Variants in KLRG1 observed in about 807,000 individuals in gnomAD.
KLRG1 encodes killer cell lectin like receptor G1.
KLRG1 carries 16 observed loss-of-function variants against 21.8 expected under a neutral mutation model. The ratio of observed to expected loss-of-function variants is 0.73; its 90% CI spans 0.50 to 1.11. The LOEUF (loss-of-function observed/expected upper bound fraction) is 1.11, where lower values mean the gene tolerates loss of function less well. Among genes scored for constraint, KLRG1 ranks in the 50% most tolerant of loss-of-function variants. The pLI, the probability that KLRG1 is intolerant of heterozygous loss-of-function variation, is 0.00. For missense variants in KLRG1, 173 were observed against 218.3 expected (o/e 0.79, Z 1.31); for synonymous variants, 69 against 75.9 (o/e 0.91, Z 0.47).
At chr12:9,061,554 C>T in the KLRG1 span, among the ~76,000 whole-genome samples, 1 of 152,154 alleles carries the variant, frequency 6.6e-6, no homozygotes, top group African/African-American at 2.4e-5. Context: ...TGACTCACCC[C>T]TGTAATTCCA....
rs149589470 is a variant in KLRG1 at position 8,968,757 on chromosome 12, A to G, written c.-156+18521A>G. ...TACAAGGACTGAAATCATGCAAAGT[A>G]TATTTGACCAAAACAGAATTAAACT... On this transcript the variant is annotated intron_variant, in intron 1 of 4. Transcript: ENST00000539240. Among the ~76,000 whole-genome samples the G allele has an allele frequency of 6.4e-3, 978 of 152,358 alleles. 7 individuals are homozygous for G. Among genetic ancestry groups the G allele is most frequent in the Non-Finnish European group, 9.3e-3 (634 of 68,032 alleles).
At chr12:9,039,234 G>A in the KLRG1 span, among the ~76,000 whole-genome samples, 1 of 152,192 alleles carries the variant, frequency 6.6e-6, no homozygotes, top group African/African-American at 2.4e-5. Context: ...TCTCTCATTT[G>A]TTGTTTTTGA....
At chr12:9,093,713 G>A in the KLRG1 span, 11 of 514,534 alleles carry the variant, frequency 2.1e-5, no homozygotes, top group Admixed American at 7.7e-5. Context: ...AGGAGAGGGC[G>A]CTTGGGTCAT....
At chr12:9,151,138 A>G in the KLRG1 span, among the ~76,000 whole-genome samples, 1 of 152,182 alleles carries the variant, frequency 6.6e-6, no homozygotes, top group African/African-American at 2.4e-5. Flanking sequence ...AATATTCATA[A>G]AATCCTCATT....
At chr12:8,974,576 A>G (rs1266624540) in intron 1 of KLRG1, among the ~76,000 whole-genome samples, 2 of 152,184 alleles carry the variant, frequency 1.3e-5, no homozygotes, top group Non-Finnish European at 2.9e-5. Context: ...AATGTACATT[A>G]TGAATGAATG....
the KLRG1 span, among the ~76,000 whole-genome samples, chr12:9,199,424 G>A: frequency 6.6e-6 from 1 of 152,114 alleles, no homozygotes; most frequent in South Asian, 2.1e-4. Flanking sequence ...ATTTCTGGGG[G>A]AGAGATTATT....
At chr12:9,191,647 A>G in the KLRG1 span, among the ~76,000 whole-genome samples, 1 of 152,260 alleles carries the variant, frequency 6.6e-6, no homozygotes, top group African/African-American at 2.4e-5. Context: ...TAGGTTAATT[A>G]CAAAAATGTT....
At chr12:9,108,166 C>T in the KLRG1 span, among the ~76,000 whole-genome samples, 1 of 151,816 alleles carries the variant, frequency 6.6e-6, no homozygotes, top group South Asian at 2.1e-4. Flanking sequence ...CGCTCTGTCG[C>T]CCAGGCTGGA....
At chr12:8,969,201 G>T (rs914376081) in intron 1 of KLRG1, among the ~76,000 whole-genome samples, 1 of 152,168 alleles carries the variant, frequency 6.6e-6, no homozygotes, top group Non-Finnish European at 1.5e-5. Flanking sequence ...TGAGTCTGCT[G>T]TGCCTCCCTG....
the KLRG1 span, among the ~76,000 whole-genome samples, chr12:9,054,929 G>C: frequency 6.6e-6 from 1 of 152,142 alleles, no homozygotes; most frequent in Non-Finnish European, 1.5e-5. Flanking sequence ...TACTCAACTG[G>C]TAAGCATACT....
chr12:9,019,041 C>G, the KLRG1 span, among the ~76,000 whole-genome samples: 2 of 152,018 alleles, frequency 1.3e-5, no homozygotes, highest in African/African-American at 4.8e-5. Context: ...GGATTAATAA[C>G]CAGAATATAT....
chr12:9,199,220 T>C, the KLRG1 span, among the ~76,000 whole-genome samples: 1 of 152,208 alleles, frequency 6.6e-6, no homozygotes, highest in African/African-American at 2.4e-5. Flanking sequence ...CTGGATCATT[T>C]ATATTATGTT....
At chr12:9,112,111 A>G in the KLRG1 span, 1 of 1,592,764 alleles carries the variant, frequency 6.3e-7, no homozygotes, top group Non-Finnish European at 8.6e-7. Context: ...ACAGGTTCCC[A>G]GCCTGTTTAT....
chr12:9,195,226 A>G, the KLRG1 span, among the ~76,000 whole-genome samples: 13 of 152,316 alleles, frequency 8.5e-5, no homozygotes, highest in Admixed American at 6.5e-4. Context: ...ATGATGTATC[A>G]ATTTTTAAAA....
chr12:9,125,827 C>T, the KLRG1 span, among the ~76,000 whole-genome samples: 7 of 152,276 alleles, frequency 4.6e-5, no homozygotes, highest in East Asian at 1.9e-4. Context: ...CTCCACCTCC[C>T]GGGTTCAAAT....
the KLRG1 span, among the ~76,000 whole-genome samples, chr12:9,100,288 C>T: frequency 1.8e-4 from 28 of 152,254 alleles, no homozygotes; most frequent in African/African-American, 6.7e-4. Flanking sequence ...ACCTTGAAAT[C>T]GTACATTTTC....
the KLRG1 span, chr12:9,112,388 G>C: frequency 1.2e-6 from 2 of 1,613,596 alleles, no homozygotes; most frequent in Non-Finnish European, 1.7e-6. Flanking sequence ...TGTCTGCCCT[G>C]GTTTGTAGAT....
chr12:9,072,812 A>G, the KLRG1 span: 1 of 1,614,204 alleles, frequency 6.2e-7, no homozygotes, highest in Non-Finnish European at 8.5e-7. Context: ...CAGCCTTCCC[A>G]GTCCTGGTAA....
rs116393562 is a variant in KLRG1 at position 8,968,621 on chromosome 12, A to G, written c.-156+18385A>G. ...ATATCAGTTAAACTGTTTAATTGACATTAATATAACATTTAGTCCAACAAA... is the reference window on the plus strand; with the variant it reads ...ATATCAGTTAAACTGTTTAATTGACGTTAATATAACATTTAGTCCAACAAA... On this transcript the variant is annotated intron_variant, in intron 1 of 4. Coordinates refer to the KLRG1 transcript ENST00000539240. 4.9e-3 allele frequency among the ~76,000 whole-genome samples: 752 copies of G among 152,348 alleles called. 11 individuals carry two copies. Among genetic ancestry groups the G allele is most frequent in the African/African-American group, 0.017 (690 of 41,584 alleles).
Sources: gnomAD v4.1 joint callset for allele counts (sites outside exome capture counted in the v4.1 genomes callset) on GRCh38, gnomAD v4.1.1 for gene constraint, MANE v1.5 for transcripts, NCBI Gene and HGNC (gene_info 2026-07-23, HGNC 2026-07-21) for gene names.